The following ARX variants were observed in gnomAD, a reference collection of about 807,000 sequenced individuals.
ARX encodes the protein homeobox protein ARX.
Under a neutral mutation model 23.1 loss-of-function variants are expected in ARX, and 1 was observed. That is an observed-to-expected ratio of 0.04 (90% confidence interval 0.02 to 0.21). The LOEUF is 0.21. Ranked by LOEUF, ARX falls within the 10% of genes least tolerant of loss-of-function variation. The pLI, the probability that ARX is intolerant of heterozygous loss-of-function variation, is 1.00. For synonymous variants in ARX, 301 were observed against 270.1 expected (o/e 1.11, Z -1.12); for missense variants, 380 against 527.5 (o/e 0.72, Z 2.74).
chrX:25,005,420 C>T (rs774836418), intron 4 of ARX, among the ~76,000 whole-genome samples: 303 of 112,474 alleles, frequency 2.7e-3, no homozygotes, highest in Middle Eastern at 9.2e-3. Context: ...GATCTCCCTC[C>T]GGCTCCTTGG....
Position 25,006,939 on chromosome X carries a change from A to AT in ARX, c.1448+171dup, listed in dbSNP as rs375420492. On this transcript the variant is annotated intron_variant, in intron 4 of 4. Transcript: ENST00000379044. ...CCAAGTCAATACCTTCAAGACCCAC[A>AT]TTTTTTTTTTTGAGGCTCAATTAGA... 0.028 allele frequency among the ~76,000 whole-genome samples: 2,724 copies of AT among 98,930 alleles called. 82 individuals carry two copies. The highest frequency in any genetic ancestry group is 0.081 in the African/African-American group (2,213 of 27,269). 85.9% of individuals were successfully genotyped at this position (98,930 alleles called of 115,157 possible).
chrX:25,005,752 C>T (rs2048675149), intron 4 of ARX, among the ~76,000 whole-genome samples: 1 of 112,769 alleles, frequency 8.9e-6, no homozygotes, highest in Non-Finnish European at 1.9e-5. Flanking sequence ...AGCGCCACCG[C>T]CTCCAAGCGG....
chrX:25,013,663 G>A lies in ARX; in HGVS notation c.332C>T (p.Ala111Val). The change falls in exon 2 of 5, where the codon GCG (alanine) becomes GTG (valine). Residue 111 changes from alanine (A) to valine (V), a missense_variant. Transcript: ENST00000379044. ...AAAAAAAAAA[A>V]AAAATATAGP... ...CGCCGTGGCCGTGGCGGCCGCTGCC[G>A]CCGCCGCCGCCGCCGCCGCCGCCGC... 1.3e-6 allele frequency: 1 copy of A among 779,322 alleles called. No homozygotes were observed. The highest frequency in any genetic ancestry group is 1.5e-6 in the Non-Finnish European group (1 of 658,301). The allele number at this position is 779,322 out of a possible 1,213,427, so 64.2% of individuals were successfully genotyped here.
In ARX at chrX:25,004,482, CGAG is replaced by C. The variant is rs1162828677; in HGVS notation, c.*185_*187del. The C allele has an allele frequency of 3.9e-6, 3 of 763,360 alleles. No homozygotes were observed. The highest frequency in any genetic ancestry group is 5.6e-6 in the Non-Finnish European group (3 of 539,184). The allele number at this position is 763,360 out of a possible 1,213,427, so 62.9% of individuals were successfully genotyped here. ...GGGCAGGGGCGGGTGGACAGCCAGC[CGAG>C]GAGGTGCCACGTCCCGGAGCGCCGA... On this transcript the variant is annotated 3_prime_UTR_variant, in exon 5 of 5. Transcript: ENST00000379044.
Position 25,004,892 on chromosome X carries a change from G to A in ARX, c.1467C>T (p.Ala489=). 2 of 1,139,018 alleles carry A rather than the reference G, an allele frequency of 1.8e-6. No individual in the cohort carries two copies. The highest frequency in any genetic ancestry group is 2.3e-6 in the Non-Finnish European group (2 of 862,371). 93.9% of individuals were successfully genotyped at this position (1,139,018 alleles called of 1,213,427 possible). ...CCGCGGTCGACGCGCTGGTCAGGGGGGCCATTGTGGAAAAGAGCCTGCAGG... is the reference window on the plus strand; with the variant it reads ...CCGCGGTCGACGCGCTGGTCAGGGGAGCCATTGTGGAAAAGAGCCTGCAGG... ...PAFGRLFSTM[A]PLTSASTAAA... Residue 489 remains alanine, a synonymous_variant, in exon 5 of 5, where the codon GCC becomes GCT. Coordinates refer to ENST00000379044, the MANE Select transcript of ARX (RefSeq NM_139058.3).
intron 3 of ARX, among the ~76,000 whole-genome samples, chrX:25,007,736 G>A (rs768095278): frequency 1.8e-5 from 2 of 112,155 alleles, no homozygotes; most frequent in East Asian, 5.6e-4. Context: ...GTTTAGAGTT[G>A]GGGAAACCAA....
rs1171314091 is a variant in ARX, at chrX:25,004,190, G to T, written c.*480C>A. On this transcript the variant is annotated 3_prime_UTR_variant, in exon 5 of 5. Coordinates refer to ENST00000379044, the MANE Select transcript of ARX (RefSeq NM_139058.3). ...TTAGCTATCTTACAGGCTCGCATTT[G>T]CTTCCCGGGCCCTGGCTTCACGCTG... is the stretch of plus-strand genomic sequence containing the variant. 2 of 118,931 alleles carry T rather than the reference G, an allele frequency of 1.7e-5. No individual in the cohort carries two copies. The highest frequency in any genetic ancestry group is 1.8e-4 in the Admixed American group (2 of 11,380). 9.8% of individuals were successfully genotyped at this position (118,931 alleles called of 1,213,427 possible).
At chrX:25,005,042 G>A in intron 4 of ARX, 132 bp from the exon 5 acceptor site, 2 of 931,127 alleles carry the variant, frequency 2.1e-6, no homozygotes, top group Non-Finnish European at 1.4e-6. Context: ...GGCCGCGGCG[G>A]GGAAGTGGGC....
intron 4 of ARX, 85 bp downstream of exon 4, chrX:25,007,026 G>T: frequency 1.9e-6 from 2 of 1,070,770 alleles, no homozygotes; most frequent in Non-Finnish European, 2.5e-6. Context: ...GTGTAACCCT[G>T]TTTGACTCCT....
chrX:25,014,763 C>T (rs1025511297), intron 1 of ARX, among the ~76,000 whole-genome samples: 3 of 112,497 alleles, frequency 2.7e-5, no homozygotes, highest in Non-Finnish European at 5.6e-5. Flanking sequence ...TATGGCCGGA[C>T]CGCTGGTTTT....
At position 25,015,701 on chromosome X, in the gene ARX, T is replaced by C. The variant is rs758359427; in HGVS notation, c.37A>G (p.Arg13Gly). The C allele has an allele frequency of 8.3e-7, 1 of 1,203,602 alleles. No homozygotes were observed. ...GGAGATTTACTTTTGCACTCGGGCC[T>C]CTCGGAGCAGCCCTCCTCCTGGTAC... ...NQYQEEGCSE[R>G]PECKSKSPTL... is the part of the protein sequence containing the mutation. The change falls in exon 1 of 5, where the codon AGG becomes GGG. Residue 13 changes from arginine to glycine, a missense_variant. Coordinates refer to ENST00000379044, the MANE Select transcript of ARX (RefSeq NM_139058.3).
intron 1 of ARX, among the ~76,000 whole-genome samples, chrX:25,014,542 A>G (rs2048718298): frequency 1.8e-5 from 2 of 112,917 alleles, no homozygotes; most frequent in Non-Finnish European, 3.7e-5. Flanking sequence ...CTTCTTGCAC[A>G]AAAAGGCAAA....
intron 2 of ARX, 80 bp downstream of exon 2, chrX:25,012,842 G>A (rs923319698): frequency 4.3e-6 from 5 of 1,164,486 alleles, no homozygotes; most frequent in East Asian, 3.2e-5. Flanking sequence ...CGAGGCCGGG[G>A]CCCCTGCCAG....
chrX:25,010,419 C>T (rs2048697539), intron 2 of ARX, 114 bp from the exon 3 acceptor site: 2 of 870,124 alleles, frequency 2.3e-6, no homozygotes, highest in Middle Eastern at 2.7e-4. Flanking sequence ...TGGCTGCCTG[C>T]CCCCCACCCC....
At chrX:25,005,824 G>A (rs2048675462) in intron 4 of ARX, 1 of 112,623 alleles carries the variant, frequency 8.9e-6, no homozygotes, top group Admixed American at 9.3e-5. Context: ...CATTAGCTGT[G>A]GCCGGAGCCG....
rs1482080449 is a variant in ARX at position 25,004,859 on chromosome X, G to T, written c.1500C>A (p.Leu500=). The T allele has an allele frequency of 6.1e-6, 7 of 1,150,271 alleles. No homozygotes were observed. Among genetic ancestry groups the T allele is most frequent in the Non-Finnish European group, 8.1e-6 (7 of 867,848 alleles). 94.8% of individuals were successfully genotyped at this position (1,150,271 alleles called of 1,213,427 possible). A position where few individuals can be genotyped will look rare whatever the true frequency, so the allele number is the denominator to read the frequency against. The change falls in exon 5 of 5, where the codon CTC becomes CTA. Residue 500 remains leucine (L), a synonymous_variant. Coordinates refer to ENST00000379044, the MANE Select transcript of ARX (RefSeq NM_139058.3). ...CCACGGCGGGTGTGGGCTGTCTCAG[G>T]AGCGCGGCCGCGGTCGACGCGCTGG... ...PLTSASTAAA[L]LRQPTPAVEG...
At position 25,013,779 on chromosome X, in the gene ARX, G is replaced by T. The variant is rs587783195; in HGVS notation, c.216C>A (p.Ser72Arg). ...KAVQGSPKSS[S>R]APFEAELHLP... ...GGTGCAGCTCGGCCTCGAACGGGGCGCTGCTGCTCTTAGGGGAGCCTGCGG... is the reference window on the plus strand; with the variant it reads ...GGTGCAGCTCGGCCTCGAACGGGGCTCTGCTGCTCTTAGGGGAGCCTGCGG... Residue 72 changes from serine to arginine, a missense_variant, in exon 2 of 5, where the codon AGC becomes AGA. This residue lies in a region of ARX where 235 missense variants were observed against 270.2 expected (regional missense o/e 0.87). Transcript: ENST00000379044. The T allele has an allele frequency of 1.1e-6, 1 of 929,075 alleles. No homozygotes were observed. Among genetic ancestry groups the T allele is most frequent in the Non-Finnish European group, 1.3e-6 (1 of 750,072 alleles). 76.6% of individuals were successfully genotyped at this position (929,075 alleles called of 1,213,427 possible).
In ARX at chrX:25,004,299, GC is replaced by G. The variant is rs2048667050; in HGVS notation, c.*370del. On this transcript the variant is annotated 3_prime_UTR_variant, in exon 5 of 5. Coordinates refer to ENST00000379044, the MANE Select transcript of ARX (RefSeq NM_139058.3). Reference sequence around the variant, plus strand: ...AAAGAAAGAAAGAAAGAAAAGAAAGGCTAAGTGGGGTGTCAGGAGGAAGAGG... The same window carrying G: ...AAAGAAAGAAAGAAAGAAAAGAAAGGTAAGTGGGGTGTCAGGAGGAAGAGG... 1 of 180,056 alleles carries G rather than the reference GC, an allele frequency of 5.6e-6. No individual in the cohort carries two copies. Among genetic ancestry groups the G allele is most frequent in the Non-Finnish European group, 1.0e-5 (1 of 97,683 alleles). 14.8% of individuals were successfully genotyped at this position (180,056 alleles called of 1,213,427 possible).
Position 25,013,250 on chromosome X carries a change from C to T in ARX, c.745G>A (p.Glu249Lys), listed in dbSNP as rs994354331. ...CGGGCGTCGTCCTCCAGCAGCTCCTCCTCGTCGTCCTCCAGCAGTTCCTCT... is the reference window on the plus strand; with the variant it reads ...CGGGCGTCGTCCTCCAGCAGCTCCTTCTCGTCGTCCTCCAGCAGTTCCTCT... ...EEEELLEDDE[E>K]ELLEDDARAL... The change falls in exon 2 of 5, where the codon GAG becomes AAG. Residue 249 changes from glutamate to lysine, a missense_variant. Glu to Lys is a moderately conservative substitution (Grantham distance 56). Transcript: ENST00000379044. 2.6e-6 allele frequency: 3 copies of T among 1,153,217 alleles called. No individual in the cohort carries two copies. The highest frequency in any genetic ancestry group is 3.6e-5 in the African/African-American group (2 of 55,843).
Sources: gnomAD v4.1 joint callset for allele counts (sites outside exome capture counted in the v4.1 genomes callset) on GRCh38, gnomAD v4.1.1 for gene constraint, gnomAD v4.1.1 regional missense constraint, MANE v1.5 for transcripts, NCBI Gene and HGNC (gene_info 2026-07-23, HGNC 2026-07-21) for gene names.